The following TAFA5 variants were observed in gnomAD, a reference collection of about 807,000 sequenced individuals.
The protein encoded by TAFA5 is TAFA chemokine like family member 5.
In TAFA5, 6 loss-of-function variants were observed where a neutral mutation model predicts 15.3. The observed-to-expected ratio is 0.39, with a 90% confidence interval of 0.21 to 0.77. TAFA5 has a LOEUF of 0.77. TAFA5 is among the 30% of genes least tolerant of loss of function. TAFA5 has a pLI of 0.41. For missense variants in TAFA5, 161 were observed against 193.1 expected, an observed-to-expected ratio of 0.83 and a Z score of 0.98; for synonymous variants, 103 against 80.7, an observed-to-expected ratio of 1.28 and a Z score of -1.48.
chr22:48,577,988 G>A (rs981940192), intron 1 of TAFA5, among the ~76,000 whole-genome samples: 3 of 152,230 alleles, frequency 2.0e-5, no homozygotes, highest in Non-Finnish European at 4.4e-5. Context: ...AGGCAAGCCC[G>A]CGAGGGCTGT....
At chr22:48,682,465 C>T (rs1601668447) in intron 2 of TAFA5, among the ~76,000 whole-genome samples, 1 of 152,220 alleles carries the variant, frequency 6.6e-6, no homozygotes, top group African/African-American at 2.4e-5. Flanking sequence ...GCTTCTGTCC[C>T]CTGGTGACCC....
intron 1 of TAFA5, chr22:48,544,997 G>A (rs1412113320): frequency 3.4e-5 from 14 of 417,328 alleles, no homozygotes; most frequent in African/African-American, 6.1e-5. Flanking sequence ...CCTTTGCTGC[G>A]TGGTGGGAGC....
chr22:48,651,054 G>A (rs908890829), intron 2 of TAFA5, among the ~76,000 whole-genome samples: 2 of 152,250 alleles, frequency 1.3e-5, no homozygotes, highest in East Asian at 1.9e-4. Context: ...TGGCCAGCCC[G>A]CCTCGCTGAA....
At chr22:48,744,066 C>A (rs1215021968) in intron 3 of TAFA5, among the ~76,000 whole-genome samples, 1 of 152,230 alleles carries the variant, frequency 6.6e-6, no homozygotes, top group Non-Finnish European at 1.5e-5. Flanking sequence ...GCTGTTCTGT[C>A]GAGATGGAGT....
chr22:48,745,003 G>A (rs1193386094), intron 3 of TAFA5, among the ~76,000 whole-genome samples: 1 of 152,186 alleles, frequency 6.6e-6, no homozygotes, highest in Non-Finnish European at 1.5e-5. Context: ...TGATCCACCT[G>A]CCTTGGCCTC....
At chr22:48,625,283 C>T (rs569371094) in intron 1 of TAFA5, among the ~76,000 whole-genome samples, 3 of 152,242 alleles carry the variant, frequency 2.0e-5, no homozygotes, top group East Asian at 1.9e-4. Context: ...ATGAATACAC[C>T]GTGTGTAACC....
chr22:48,544,802 C>A (rs754429591), intron 1 of TAFA5: 13 of 471,090 alleles, frequency 2.8e-5, no homozygotes, highest in African/African-American at 2.2e-4. Flanking sequence ...CTAGGCGAGG[C>A]CTGCAAACAA....
In TAFA5 at chr22:48,600,283, G is replaced by A. The variant is rs566036337; in HGVS notation, c.113-46314G>A. Among the ~76,000 whole-genome samples, 21 of 152,314 alleles carry A rather than the reference G, an allele frequency of 1.4e-4. 1 individual carries two copies. The South Asian group carries it at 3.9e-3, about 29-fold the overall frequency. ...GAGGGGCGTCCCCGGGGAGGATGGCGCCTACCACGGGCAGTAAGGAGGTCT... is the reference window on the plus strand; with the variant it reads ...GAGGGGCGTCCCCGGGGAGGATGGCACCTACCACGGGCAGTAAGGAGGTCT... On this transcript the variant is annotated intron_variant, in intron 1 of 3. Coordinates refer to ENST00000402357, the MANE Select transcript of TAFA5 (RefSeq NM_001082967.3).
rs6008752 is a variant in TAFA5, at chr22:48,538,995, C to A, written c.112+49291C>A. 4 of 183,860 alleles carry A rather than the reference C, an allele frequency of 2.2e-5. No individual in the cohort carries two copies. The East Asian group carries it at 5.0e-4, about 23-fold the overall frequency. The allele number at this position is 183,860 out of a possible 1,614,324, so 11.4% of individuals were successfully genotyped here. Reference sequence around the variant, plus strand: ...TTTGGAGGCATGAATACGTATTTGTCGGGGGGATACATAGTCGTTTTTGTA... The same window carrying A: ...TTTGGAGGCATGAATACGTATTTGTAGGGGGGATACATAGTCGTTTTTGTA... On this transcript the variant is annotated intron_variant, in intron 1 of 3. Coordinates refer to ENST00000402357, the MANE Select transcript of TAFA5 (RefSeq NM_001082967.3).
intron 2 of TAFA5, among the ~76,000 whole-genome samples, chr22:48,659,494 C>T (rs1927358512): frequency 6.6e-6 from 1 of 152,254 alleles, no homozygotes; most frequent in African/African-American, 2.4e-5. Flanking sequence ...CAGGCACCAC[C>T]ACAGCAGCTG....
At chr22:48,652,378 T>A (rs956755073) in intron 2 of TAFA5, among the ~76,000 whole-genome samples, 1 of 152,116 alleles carries the variant, frequency 6.6e-6, no homozygotes, top group Non-Finnish European at 1.5e-5. Context: ...GCCCCGTTCA[T>A]CCCTTCGGCA....
chr22:48,698,545 G>T (rs138696520), intron 2 of TAFA5, among the ~76,000 whole-genome samples: 1 of 151,528 alleles, frequency 6.6e-6, no homozygotes, highest in Non-Finnish European at 1.5e-5. Flanking sequence ...TTCTACCCAT[G>T]ATGGGAGGGA....
At chr22:48,511,556 GCCCTCGC>G (rs1921211390) in intron 1 of TAFA5, among the ~76,000 whole-genome samples, 1 of 152,180 alleles carries the variant, frequency 6.6e-6, no homozygotes, top group Admixed American at 6.5e-5. Flanking sequence ...TGCACAAGAG[GCCCTCGC>G]CCAGGTCAAG....
chr22:48,726,672 A>G (rs1290053432), intron 3 of TAFA5, among the ~76,000 whole-genome samples: 1 of 151,288 alleles, frequency 6.6e-6, no homozygotes, highest in Non-Finnish European at 1.5e-5. Context: ...ACTACTTTAC[A>G]TACAGAAACA....
chr22:48,624,240 G>A (rs1006754968), intron 1 of TAFA5, among the ~76,000 whole-genome samples: 1 of 152,206 alleles, frequency 6.6e-6, no homozygotes, highest in Non-Finnish European at 1.5e-5. Context: ...AAAGTGAAGT[G>A]CCCTTCTCAT....
chr22:48,534,415 G>A (rs1262533626), intron 1 of TAFA5, among the ~76,000 whole-genome samples: 2 of 152,114 alleles, frequency 1.3e-5, no homozygotes, highest in Non-Finnish European at 2.9e-5. Flanking sequence ...GGACTCCCAC[G>A]GGGGTAACCC....
chr22:48,733,895 C>T (rs114615893), intron 3 of TAFA5, among the ~76,000 whole-genome samples: 1,630 of 152,276 alleles, frequency 0.011, 22 homozygotes, highest in African/African-American at 0.037. Flanking sequence ...CACAAGTTTG[C>T]CAACCCCTGG....
chr22:48,595,088 C>T (rs1924715702), intron 1 of TAFA5, among the ~76,000 whole-genome samples: 1 of 152,126 alleles, frequency 6.6e-6, no homozygotes, highest in African/African-American at 2.4e-5. Flanking sequence ...TGGTGGTGAG[C>T]CTGAATTTGG....
At chr22:48,665,850 C>T (rs993829764) in intron 2 of TAFA5, among the ~76,000 whole-genome samples, 2 of 152,150 alleles carry the variant, frequency 1.3e-5, no homozygotes, top group African/African-American at 4.8e-5. Flanking sequence ...CCAGGGCCCT[C>T]TCTGTTTTCC....
Sources: allele counts gnomAD v4.1 joint callset (sites outside exome capture counted in the v4.1 genomes callset), GRCh38; gene constraint gnomAD v4.1.1; transcripts MANE v1.5; gene names NCBI Gene and HGNC (gene_info 2026-07-23, HGNC 2026-07-21).